The following DSCAML1 variants were observed in gnomAD, a reference collection of about 807,000 sequenced individuals.
DSCAML1 encodes the protein DS cell adhesion molecule like 1.
A neutral mutation model predicts 200.5 loss-of-function variants in DSCAML1; 38 were observed. The ratio of observed to expected loss-of-function variants is 0.19; its 90% confidence interval spans 0.15 to 0.25. The LOEUF (loss-of-function observed/expected upper bound fraction) is 0.25. DSCAML1 is among the 10% of genes least tolerant of loss of function. The pLI, the probability that DSCAML1 is intolerant of heterozygous loss-of-function variation, is 1.00. For synonymous variants in DSCAML1, 1,215 were observed against 1,165.0 expected (o/e 1.04, Z -0.87); for missense variants, 2,223 against 2,858.8 (o/e 0.78, Z 5.07).
At chr11:117,451,738 A>C (rs4936379) in intron 19 of DSCAML1, among the ~76,000 whole-genome samples, 83,934 of 151,582 alleles carry the variant, frequency 0.55, 23,448 homozygotes, top group African/African-American at 0.62. Flanking sequence ...TCACTTGAAC[A>C]CAGGAGGCGG....
At chr11:117,482,607 T>C (rs950926365) in intron 11 of DSCAML1, among the ~76,000 whole-genome samples, 9 of 152,200 alleles carry the variant, frequency 5.9e-5, no homozygotes, top group Non-Finnish European at 1.2e-4. Context: ...GATCCTGTAA[T>C]AGTGCTGCGT....
Position 117,503,530 on chromosome 11 carries a change from T to C in DSCAML1, c.2359+315A>G, listed in dbSNP as rs1292783172. Among the ~76,000 whole-genome samples, 1 of 152,214 alleles carries C rather than the reference T, an allele frequency of 6.6e-6. No homozygotes were observed. Among genetic ancestry groups the C allele is most frequent in the East Asian group, 1.9e-4 (1 of 5,196 alleles). On this transcript the variant is annotated intron_variant, in intron 11 of 32. Coordinates refer to ENST00000651296, the MANE Select transcript of DSCAML1 (RefSeq NM_020693.4). The surrounding 1 kb of genome is among the most constrained non-coding windows in gnomAD (Gnocchi z 5.2). ...AGCAAAAATAAATGGTTTGATAGGATTATTCAGATCGAATCGCCAATCTAC... is the reference window on the plus strand; with the variant it reads ...AGCAAAAATAAATGGTTTGATAGGACTATTCAGATCGAATCGCCAATCTAC...
At chr11:117,641,114 T>A (rs561386473) in intron 3 of DSCAML1, among the ~76,000 whole-genome samples, 3 of 152,224 alleles carry the variant, frequency 2.0e-5, no homozygotes, top group African/African-American at 7.2e-5. Context: ...CTGTTTCCAA[T>A]AGGGGTAGGC....
In DSCAML1 at chr11:117,808,086, G is replaced by A. The variant is rs905191608; in HGVS notation, c.-250+9304C>T. Reference sequence around the variant, plus strand: ...CCGCCCGCCTAGGCTTCCCAAAGTGGTGCGATTACAGGCGTGAGCTACCGC... The same window carrying A: ...CCGCCCGCCTAGGCTTCCCAAAGTGATGCGATTACAGGCGTGAGCTACCGC... On this transcript the variant is annotated intron_variant, in intron 1 of 2. Coordinates refer to the DSCAML1 transcript ENST00000525836. Among the ~76,000 whole-genome samples the A allele has an allele frequency of 2.6e-5, 4 of 152,286 alleles. No individual in the cohort carries two copies. The South Asian group carries it at 8.3e-4, about 32-fold the overall frequency.
intron 3 of DSCAML1, among the ~76,000 whole-genome samples, chr11:117,660,255 C>T (rs2052818976): frequency 6.6e-6 from 1 of 152,190 alleles, no homozygotes. Flanking sequence ...CCACCAAAGG[C>T]CCGCCCCTTC....
chr11:117,588,257 C>T (rs2051189232), intron 3 of DSCAML1, among the ~76,000 whole-genome samples: 1 of 151,982 alleles, frequency 6.6e-6, no homozygotes, highest in Non-Finnish European at 1.5e-5. Flanking sequence ...TCGGGGGCTG[C>T]CTGTCTGCCA....
At chr11:117,593,517 T>C (rs1235532537) in intron 3 of DSCAML1, among the ~76,000 whole-genome samples, 2 of 152,160 alleles carry the variant, frequency 1.3e-5, no homozygotes, top group South Asian at 2.1e-4. Flanking sequence ...CCGGGGCCTG[T>C]GTATAGGGTT....
At chr11:117,767,074 G>A (rs2054911588) in intron 3 of DSCAML1, among the ~76,000 whole-genome samples, 1 of 152,114 alleles carries the variant, frequency 6.6e-6, no homozygotes, top group African/African-American at 2.4e-5. Context: ...GATGTGTTTG[G>A]GAGGATTCAG....
Position 117,808,535 on chromosome 11 carries a change from C to T in DSCAML1, c.-250+8855G>A, listed in dbSNP as rs1318464596. Among the ~76,000 whole-genome samples the T allele has an allele frequency of 2.6e-5, 4 of 152,294 alleles. No individual in the cohort carries two copies. In the East Asian group the frequency reaches 7.7e-4, roughly 29 times the overall value. ...GGTGAGGTGAAGGAGAGAGAGATCC[C>T]AGACTACAGAATCCGGGATCTGTAT... On this transcript the variant is annotated intron_variant, in intron 1 of 2. Coordinates refer to the DSCAML1 transcript ENST00000525836.
chr11:117,684,391 G>A (rs533085170), intron 3 of DSCAML1, among the ~76,000 whole-genome samples: 3 of 140,994 alleles, frequency 2.1e-5, no homozygotes, highest in African/African-American at 5.3e-5. Flanking sequence ...ACCCATCAGC[G>A]CTTGTTTTTA....
At chr11:117,484,952 TGGGA>T (rs1343962790) in intron 11 of DSCAML1, among the ~76,000 whole-genome samples, 2 of 146,070 alleles carry the variant, frequency 1.4e-5, no homozygotes, top group African/African-American at 5.1e-5. Flanking sequence ...TAAGTGGGGC[TGGGA>T]GGGTCTTTCT....
chr11:117,731,788 T>C, intron 3 of DSCAML1, among the ~76,000 whole-genome samples: 1 of 152,358 alleles, frequency 6.6e-6, no homozygotes, highest in South Asian at 2.1e-4. Flanking sequence ...CTATCTAGCA[T>C]TGTCTGGCAC....
At chr11:117,438,562 C>A (rs1035258196) in intron 24 of DSCAML1, among the ~76,000 whole-genome samples, 3 of 148,808 alleles carry the variant, frequency 2.0e-5, no homozygotes, top group African/African-American at 7.6e-5. Flanking sequence ...GTGACGCAGA[C>A]GCACGCCCAC....
chr11:117,610,265 T>C (rs2051661211), intron 3 of DSCAML1, among the ~76,000 whole-genome samples: 1 of 152,156 alleles, frequency 6.6e-6, no homozygotes, highest in African/African-American at 2.4e-5. Context: ...GACCAGTTCC[T>C]CCCGCCCCCT....
In DSCAML1 at chr11:117,524,863, A is replaced by G. The variant is rs753544656; in HGVS notation, c.879T>C (p.Ile293=). The change falls in exon 5 of 33, where the codon ATT becomes ATC. Residue 293 remains isoleucine, a synonymous_variant. Coordinates refer to ENST00000651296, the MANE Select transcript of DSCAML1 (RefSeq NM_020693.4). The part of the protein sequence containing the change: ...DLRTEDSGTY[I]CEVTNTFGSA... ...AACCGAAGGTGTTGGTGACCTCACA[A>G]ATGTAGGTGCCGCTGTCCTCGGTCC... 9 of 1,603,964 alleles carry G rather than the reference A, an allele frequency of 5.6e-6. No individual in the cohort carries two copies. The highest frequency in any genetic ancestry group is 1.7e-4 in the Middle Eastern group (1 of 6,044).
intron 11 of DSCAML1, among the ~76,000 whole-genome samples, chr11:117,493,906 G>A (rs1206023888): frequency 3.3e-5 from 5 of 152,182 alleles, no homozygotes; most frequent in Non-Finnish European, 5.9e-5. Flanking sequence ...GGGATTACAG[G>A]TGTGAGCCAC....
rs766440003 is a variant in DSCAML1 at position 117,776,780 on chromosome 11, A to G, written c.511+11T>C. ...CACCTCTGTCTGCCGCAGCCCCGGGACGCTTCTTACCTGGGATGATGGAGA... is the reference window on the plus strand; with the variant it reads ...CACCTCTGTCTGCCGCAGCCCCGGGGCGCTTCTTACCTGGGATGATGGAGA... On this transcript the variant is annotated intron_variant, in intron 3 of 32. Transcript: ENST00000651296. 5 of 1,613,898 alleles carry G rather than the reference A, an allele frequency of 3.1e-6. No homozygotes were observed. The highest frequency in any genetic ancestry group is 4.2e-6 in the Non-Finnish European group (5 of 1,179,980).
At chr11:117,444,155 G>C in intron 20 of DSCAML1, 116 bp from the exon 21 acceptor site, 1 of 1,238,730 alleles carries the variant, frequency 8.1e-7, no homozygotes, top group Non-Finnish European at 1.1e-6. Flanking sequence ...TGCGAGGCAG[G>C]ATTCTGTCCT....
At chr11:117,773,585 T>A (rs906123234) in intron 3 of DSCAML1, among the ~76,000 whole-genome samples, 41 of 150,102 alleles carry the variant, frequency 2.7e-4, no homozygotes, top group African/African-American at 4.9e-4. Context: ...ACACTGGGCA[T>A]AGTGTGAATA....
Sources: allele counts gnomAD v4.1 joint callset (sites outside exome capture counted in the v4.1 genomes callset), GRCh38; gene constraint gnomAD v4.1.1; non-coding constraint Gnocchi (gnomAD v3.1); transcripts MANE v1.5; gene names NCBI Gene and HGNC (gene_info 2026-07-23, HGNC 2026-07-21).